Variants in NTM observed in about 807,000 individuals in gnomAD.
NTM encodes neurotrimin, also known as IgLON family member 2.
A neutral mutation model predicts 42.1 loss-of-function variants in NTM; 13 were observed. That is an observed-to-expected ratio of 0.31 (90% CI 0.20 to 0.49). NTM has a LOEUF of 0.49. NTM is among the 20% of genes least tolerant of loss of function. The pLI, the probability that NTM is intolerant of heterozygous loss-of-function variation, is 0.99. For synonymous variants in NTM, 187 were observed against 179.2 expected, an observed-to-expected ratio of 1.04 and a Z score of -0.35; for missense variants, 373 against 452.8, an observed-to-expected ratio of 0.82 and a Z score of 1.60.
chr11:132,295,909 A>G (rs2094593011), intron 4 of NTM, among the ~76,000 whole-genome samples: 1 of 152,216 alleles, frequency 6.6e-6, no homozygotes, highest in Non-Finnish European at 1.5e-5. Context: ...TATTGTAATA[A>G]TCCAGAGTAG....
intron 1 of NTM, among the ~76,000 whole-genome samples, chr11:131,559,082 A>G (rs2055857618): frequency 1.3e-5 from 2 of 152,226 alleles, no homozygotes; most frequent in Non-Finnish European, 2.9e-5. Flanking sequence ...TGAAGGATTC[A>G]TTATGGAAGA....
At chr11:131,373,125 A>G (rs970254189) in intron 1 of NTM, among the ~76,000 whole-genome samples, 2 of 152,220 alleles carry the variant, frequency 1.3e-5, no homozygotes, top group African/African-American at 2.4e-5. Context: ...CGCATATTGC[A>G]TGCCAGTCAG....
At chr11:132,243,504 G>C (rs945119945) in intron 4 of NTM, among the ~76,000 whole-genome samples, 9 of 152,290 alleles carry the variant, frequency 5.9e-5, no homozygotes, top group Middle Eastern at 3.4e-3. Context: ...CTCTGCAGCA[G>C]ATGTGGCCTT....
chr11:132,045,343 G>C (rs565687944), intron 2 of NTM, among the ~76,000 whole-genome samples: 1 of 152,194 alleles, frequency 6.6e-6, no homozygotes, highest in Admixed American at 6.5e-5. Context: ...AGAGGAATGA[G>C]GGGGAGAAGC....
At chr11:132,029,933 G>A (rs2075703910) in intron 2 of NTM, among the ~76,000 whole-genome samples, 1 of 152,172 alleles carries the variant, frequency 6.6e-6, no homozygotes, top group African/African-American at 2.4e-5. Context: ...TGTTCCACAT[G>A]AATGAATTTG....
chr11:131,485,376 C>CTA (rs1230465201), intron 1 of NTM, among the ~76,000 whole-genome samples: 13 of 152,320 alleles, frequency 8.5e-5, no homozygotes, highest in Non-Finnish European at 1.2e-4. Context: ...TCTGTGCCAG[C>CTA]TACCACAGCA....
At chr11:132,142,845 G>A (rs531595001) in intron 2 of NTM, among the ~76,000 whole-genome samples, 14 of 152,276 alleles carry the variant, frequency 9.2e-5, no homozygotes, top group African/African-American at 2.6e-4. Context: ...CCTGTAGTGC[G>A]GTGCAGTGTT....
rs1423685141 is a variant in NTM, at chr11:132,335,921, T to C, written c.*775T>C. 6.6e-6 allele frequency: 1 copy of C among 152,552 alleles called. No individual in the cohort carries two copies. Among genetic ancestry groups the C allele is most frequent in the Non-Finnish European group, 1.5e-5 (1 of 68,022 alleles). The allele number at this position is 152,552 out of a possible 1,614,324, so 9.4% of individuals were successfully genotyped here. ...TGTTAAACAGTAAAAATGAATAGTA[T>C]ACTTCTTAACTAGGTTTACAACTGG... On this transcript the variant is annotated 3_prime_UTR_variant, in exon 9 of 9. Coordinates refer to ENST00000683400, the MANE Select transcript of NTM (RefSeq NM_001352005.2).
intron 1 of NTM, among the ~76,000 whole-genome samples, chr11:131,557,324 C>T (rs1441366530): frequency 2.0e-5 from 3 of 152,124 alleles, no homozygotes; most frequent in Non-Finnish European, 2.9e-5. Flanking sequence ...CAATGGCCTT[C>T]ACCTCCACCT....
At chr11:131,458,694 G>A (rs1216903200) in intron 1 of NTM, among the ~76,000 whole-genome samples, 2 of 152,218 alleles carry the variant, frequency 1.3e-5, no homozygotes, top group Non-Finnish European at 2.9e-5. Context: ...GAAAACATTT[G>A]CTGAATTAAA....
At chr11:131,989,971 G>T (rs968462769) in intron 2 of NTM, among the ~76,000 whole-genome samples, 1 of 152,050 alleles carries the variant, frequency 6.6e-6, no homozygotes, top group South Asian at 2.1e-4. Flanking sequence ...ATTCTTTCAT[G>T]CAAGAAGTTG....
At chr11:131,487,394 G>C (rs1201093086) in intron 1 of NTM, among the ~76,000 whole-genome samples, 1 of 152,086 alleles carries the variant, frequency 6.6e-6, no homozygotes, top group African/African-American at 2.4e-5. Context: ...ATTATTTCCA[G>C]TTTCAATGAA....
At chr11:132,022,339 G>T (rs2074475618) in intron 2 of NTM, among the ~76,000 whole-genome samples, 1 of 152,210 alleles carries the variant, frequency 6.6e-6, no homozygotes, top group African/African-American at 2.4e-5. Context: ...CAGAATATTT[G>T]ACAGTCTTCT....
At chr11:132,131,682 CTT>C (rs1414981307) in intron 2 of NTM, among the ~76,000 whole-genome samples, 1 of 152,154 alleles carries the variant, frequency 6.6e-6, no homozygotes, top group Non-Finnish European at 1.5e-5. Context: ...CTTCTGAACT[CTT>C]TGAGCTTCAT....
At chr11:132,091,071 C>G (rs1171956639) in intron 2 of NTM, among the ~76,000 whole-genome samples, 1 of 152,120 alleles carries the variant, frequency 6.6e-6, no homozygotes, top group Non-Finnish European at 1.5e-5. Context: ...TTGGCAAACT[C>G]TTTCTAGGTT....
At chr11:131,637,431 C>CA (rs1405851725) in intron 1 of NTM, among the ~76,000 whole-genome samples, 5 of 151,750 alleles carry the variant, frequency 3.3e-5, no homozygotes, top group Non-Finnish European at 5.9e-5. Context: ...AAACTGGGTT[C>CA]AAGGCCCACC....
At chr11:132,060,305 G>C (rs971643884) in intron 2 of NTM, among the ~76,000 whole-genome samples, 1 of 152,218 alleles carries the variant, frequency 6.6e-6, no homozygotes, top group Non-Finnish European at 1.5e-5. Context: ...GTAGGCAAGG[G>C]GTGCTCCGTT....
chr11:132,119,483 C>T (rs1000246546), intron 2 of NTM, among the ~76,000 whole-genome samples: 2 of 152,168 alleles, frequency 1.3e-5, no homozygotes, highest in Non-Finnish European at 2.9e-5. Context: ...TCAGCCAGAC[C>T]AGGCACCCCT....
chr11:131,619,185 C>T (rs945601044), intron 1 of NTM, among the ~76,000 whole-genome samples: 1 of 152,186 alleles, frequency 6.6e-6, no homozygotes, highest in African/African-American at 2.4e-5. Flanking sequence ...ACAAGGGAAG[C>T]ATGCTGGGCA....
Sources: gnomAD v4.1 joint callset for allele counts (sites outside exome capture counted in the v4.1 genomes callset) on GRCh38, gnomAD v4.1.1 for gene constraint, MANE v1.5 for transcripts, NCBI Gene and HGNC (gene_info 2026-07-23, HGNC 2026-07-21) for gene names.